THSD7B: variants seen among roughly 807,000 people sequenced by gnomAD.
THSD7B encodes thrombospondin type-1 domain-containing protein 7B.
Under a neutral mutation model 213.6 loss-of-function variants are expected in THSD7B, and 138 were observed. That is an observed-to-expected ratio of 0.65 (90% CI 0.56 to 0.74). The LOEUF is 0.74. THSD7B is among the 30% of genes least tolerant of loss of function. THSD7B has a pLI of 0.00. For missense variants in THSD7B, 1,931 were observed against 1,991.5 expected, an observed-to-expected ratio of 0.97 and a Z score of 0.58; for synonymous variants, 742 against 687.0, an observed-to-expected ratio of 1.08 and a Z score of -1.25.
At chr2:137,163,941 A>C (rs1391763383) in intron 6 of THSD7B, among the ~76,000 whole-genome samples, 1 of 152,206 alleles carries the variant, frequency 6.6e-6, no homozygotes, top group Non-Finnish European at 1.5e-5. Context: ...AAGCTTCCTT[A>C]GTTGATTTTC....
At chr2:137,341,728 T>G (rs1175081423) in intron 12 of THSD7B, among the ~76,000 whole-genome samples, 1 of 151,656 alleles carries the variant, frequency 6.6e-6, no homozygotes, top group Non-Finnish European at 1.5e-5. Flanking sequence ...GATTGTCCTT[T>G]TTACTATTGC....
rs115654665 is a variant in THSD7B at position 137,640,787 on chromosome 2, C to G, written c.3800-1701C>G. ...TATTGTATCACACATTTGCATATAA[C>G]ATAATATCACATCAATAATTTATGA... On this transcript the variant is annotated intron_variant, in intron 20 of 27. Coordinates refer to ENST00000409968, the MANE Select transcript of THSD7B (RefSeq NM_001316349.2). Among the ~76,000 whole-genome samples, 1,168 of 152,312 alleles carry G rather than the reference C, an allele frequency of 7.7e-3. 12 individuals are homozygous for G. Among genetic ancestry groups the G allele is most frequent in the Non-Finnish European group, 0.013 (916 of 68,034 alleles).
intron 26 of THSD7B, 56 bp from the exon 27 acceptor site, chr2:137,667,718 C>A: frequency 6.9e-7 from 1 of 1,444,324 alleles, no homozygotes; most frequent in Non-Finnish European, 9.5e-7. Context: ...CCCTATCTCT[C>A]AAATGCTGCA....
chr2:137,260,465 T>A (rs1682414976), intron 10 of THSD7B, among the ~76,000 whole-genome samples: 1 of 152,080 alleles, frequency 6.6e-6, no homozygotes, highest in African/African-American at 2.4e-5. Flanking sequence ...AAAAATTTCT[T>A]AAAAAGGTAA....
At chr2:137,239,407 C>T (rs1681850433) in intron 9 of THSD7B, among the ~76,000 whole-genome samples, 1 of 152,172 alleles carries the variant, frequency 6.6e-6, no homozygotes, top group African/African-American at 2.4e-5. Flanking sequence ...GCCACCCCGG[C>T]TCTCATTCAC....
At chr2:136,946,856 C>T (rs191258367) in intron 2 of THSD7B, among the ~76,000 whole-genome samples, 177 of 152,274 alleles carry the variant, frequency 1.2e-3, no homozygotes, top group Non-Finnish European at 2.3e-3. Context: ...AGTATTTGAG[C>T]GGGAGTGTCT....
intron 1 of THSD7B, among the ~76,000 whole-genome samples, chr2:136,771,610 C>A (rs550907928): frequency 6.6e-6 from 1 of 152,252 alleles, no homozygotes; most frequent in East Asian, 1.9e-4. Flanking sequence ...TAGTCAAAAT[C>A]CAGTTCCAAT....
intron 1 of THSD7B, among the ~76,000 whole-genome samples, chr2:136,791,896 C>T (rs1681971296): frequency 6.6e-6 from 1 of 151,904 alleles, no homozygotes; most frequent in Non-Finnish European, 1.5e-5. Flanking sequence ...TGGGTATATA[C>T]CTAGGATTGG....
At chr2:137,534,526 T>G (rs894860380) in intron 15 of THSD7B, among the ~76,000 whole-genome samples, 2 of 151,820 alleles carry the variant, frequency 1.3e-5, no homozygotes, top group Non-Finnish European at 2.9e-5. Flanking sequence ...TCAACTTTTC[T>G]GTATATTTTT....
intron 2 of THSD7B, among the ~76,000 whole-genome samples, chr2:137,020,463 A>T (rs1686422335): frequency 6.6e-6 from 1 of 152,156 alleles, no homozygotes. Context: ...ATTGCGGTTC[A>T]TTTAAAAGGA....
intron 10 of THSD7B, among the ~76,000 whole-genome samples, chr2:137,244,164 A>C (rs1281394957): frequency 6.6e-6 from 1 of 152,236 alleles, no homozygotes; most frequent in South Asian, 2.1e-4. Context: ...AATTTTAATC[A>C]TAATGTACCT....
chr2:137,133,311 A>C (rs572830417), intron 5 of THSD7B, among the ~76,000 whole-genome samples: 2 of 152,230 alleles, frequency 1.3e-5, no homozygotes, highest in Non-Finnish European at 2.9e-5. Flanking sequence ...GGGAATGTTA[A>C]TGGGAATTCT....
At chr2:137,071,139 C>T (rs1436942646) in intron 3 of THSD7B, among the ~76,000 whole-genome samples, 1 of 152,230 alleles carries the variant, frequency 6.6e-6, no homozygotes, top group Non-Finnish European at 1.5e-5. Context: ...AATCGCCACA[C>T]TGACTTCCAC....
At chr2:136,890,830 C>T (rs554892641) in intron 2 of THSD7B, among the ~76,000 whole-genome samples, 23 of 151,674 alleles carry the variant, frequency 1.5e-4, no homozygotes, top group Admixed American at 3.9e-4. Flanking sequence ...CGTGAGCTAC[C>T]GTGCCTGGCC....
intron 14 of THSD7B, among the ~76,000 whole-genome samples, chr2:137,434,017 C>A (rs1326844005): frequency 6.6e-6 from 1 of 152,184 alleles, no homozygotes; most frequent in African/African-American, 2.4e-5. Flanking sequence ...CTATAACTCT[C>A]AGCTTTATAT....
At chr2:137,560,659 T>C (rs1681093763) in intron 15 of THSD7B, among the ~76,000 whole-genome samples, 1 of 152,046 alleles carries the variant, frequency 6.6e-6, no homozygotes, top group Admixed American at 6.6e-5. Context: ...CATGTATACA[T>C]ATGTAACAAA....
chr2:137,111,774 G>A (rs755618147), intron 4 of THSD7B, among the ~76,000 whole-genome samples: 2 of 152,122 alleles, frequency 1.3e-5, no homozygotes, highest in Non-Finnish European at 2.9e-5. Flanking sequence ...CTCTCACGTT[G>A]GTAAGGGGCT....
chr2:137,452,272 A>G (rs1364039355), intron 15 of THSD7B, among the ~76,000 whole-genome samples: 1 of 152,116 alleles, frequency 6.6e-6, no homozygotes, highest in African/African-American at 2.4e-5. Flanking sequence ...GGGAAAATAA[A>G]GCAGAAGATT....
chr2:137,630,247 G>GC (rs762040266), intron 20 of THSD7B, among the ~76,000 whole-genome samples: 13 of 152,096 alleles, frequency 8.5e-5, no homozygotes, highest in African/African-American at 3.1e-4. Flanking sequence ...GCCTGCCTCG[G>GC]CCCCCCAAAG....
Sources: allele counts gnomAD v4.1 joint callset (sites outside exome capture counted in the v4.1 genomes callset), GRCh38; gene constraint gnomAD v4.1.1; transcripts MANE v1.5; gene names NCBI Gene and HGNC (gene_info 2026-07-23, HGNC 2026-07-21).